The following AXIN2 variants were observed in gnomAD, a reference collection of about 807,000 sequenced individuals.
The protein encoded by AXIN2 is axin 2, also known as axin-2.
In AXIN2, 21 loss-of-function variants were observed where a neutral mutation model predicts 74.7. The observed-to-expected ratio is 0.28, with a 90% CI of 0.20 to 0.40. AXIN2 has a LOEUF of 0.40. Among genes scored for constraint, AXIN2 ranks in the 10% least tolerant of loss-of-function variants. The pLI is 1.00. For missense variants in AXIN2, 1,144 were observed against 1,111.1 expected (o/e 1.03, Z -0.42); for synonymous variants, 532 against 454.9 (o/e 1.17, Z -2.16).
chr17:65,557,842 C>A lies in AXIN2; in HGVS notation c.779G>T (p.Ser260Ile), dbSNP rs2044292356. The A allele has an allele frequency of 6.2e-7, 1 of 1,614,224 alleles. No homozygotes were observed. Among genetic ancestry groups the A allele is most frequent in the Non-Finnish European group, 8.5e-7 (1 of 1,180,048 alleles). ...LSSKTLRATA[S>I]VRSTETVDSG... is the part of the protein sequence containing the mutation. ...GTCAACAGTTTCCGTGGACCTCACACTCGCCGTGGCCCTCAGAGTTTTGCT... is the reference window on the plus strand; with the variant it reads ...GTCAACAGTTTCCGTGGACCTCACAATCGCCGTGGCCCTCAGAGTTTTGCT... Residue 260 changes from serine (S) to isoleucine (I), a missense_variant, in exon 2 of 11, where the codon AGT becomes ATT. Physicochemically the swap from Ser to Ile is moderately radical, Grantham distance 142. Coordinates refer to ENST00000307078, the MANE Select transcript of AXIN2 (RefSeq NM_004655.4).
At position 65,557,917 on chromosome 17, in the gene AXIN2, G is replaced by A. The variant is rs776333136; in HGVS notation, c.704C>T (p.Thr235Ile). 2.5e-6 allele frequency: 4 copies of A among 1,614,186 alleles called. No individual in the cohort carries two copies. Among genetic ancestry groups the A allele is most frequent in the African/African-American group, 1.3e-5 (1 of 75,046 alleles). Residue 235 changes from threonine (T) to isoleucine (I), a missense_variant, in exon 2 of 11, where the codon ACT becomes ATT. By Grantham distance (89) the Thr-to-Ile change is moderately conservative (BLOSUM62 -1). Around this residue, in one of 4 missense-constraint regions of AXIN2, gnomAD observed 1,053 missense variants for 973.5 expected, o/e 1.08. Coordinates refer to ENST00000307078, the MANE Select transcript of AXIN2 (RefSeq NM_004655.4). ...AAGTTTGCACTTGAAGTCGGCACAAGTCCACTCCTCTTCTTCATTCAAGGT... is the reference window on the plus strand; with the variant it reads ...AAGTTTGCACTTGAAGTCGGCACAAATCCACTCCTCTTCTTCATTCAAGGT... ...LPTLNEEEEW[T>I]CADFKCKLSP...
At chr17:65,555,324 G>A (rs2044251945) in intron 2 of AXIN2, among the ~76,000 whole-genome samples, 1 of 152,182 alleles carries the variant, frequency 6.6e-6, no homozygotes, top group South Asian at 2.1e-4. Context: ...TGCAGAATGA[G>A]TGAGTGTGCG....
Position 65,558,126 on chromosome 17 carries a change from C to G in AXIN2, c.495G>C (p.Gln165His). 6.2e-7 allele frequency: 1 copy of G among 1,614,182 alleles called. No homozygotes were observed. The highest frequency in any genetic ancestry group is 8.5e-7 in the Non-Finnish European group (1 of 1,180,038). ...TYIRDGIKKQQIDSIMFDQAQ... is the reference protein window; with the variant it reads ...TYIRDGIKKQHIDSIMFDQAQ... ...CCTGGTCAAACATGATGGAATCAATCTGCTGCTTCTTGATGCCATCTCTTA... is the reference window on the plus strand; with the variant it reads ...CCTGGTCAAACATGATGGAATCAATGTGCTGCTTCTTGATGCCATCTCTTA... The change falls in exon 2 of 11, where the codon CAG becomes CAC. Residue 165 changes from glutamine to histidine, a missense_variant. By Grantham distance (24) the Gln-to-His change is conservative (BLOSUM62 0). Transcript: ENST00000307078.
At chr17:65,543,783 A>G (rs1054365921) in intron 3 of AXIN2, among the ~76,000 whole-genome samples, 4 of 152,190 alleles carry the variant, frequency 2.6e-5, no homozygotes, top group Admixed American at 2.6e-4. Flanking sequence ...CCTGACATTG[A>G]TAAGGCATGA....
chr17:65,535,922 C>A (rs964028131), intron 8 of AXIN2, among the ~76,000 whole-genome samples: 4 of 152,192 alleles, frequency 2.6e-5, no homozygotes, highest in East Asian at 1.9e-4. Flanking sequence ...TCTAAGCCCC[C>A]CTGGGAGCCC....
At chr17:65,542,047 G>A (rs2044051961) in intron 3 of AXIN2, among the ~76,000 whole-genome samples, 1 of 152,224 alleles carries the variant, frequency 6.6e-6, no homozygotes, top group African/African-American at 2.4e-5. Context: ...TCAGGCATTA[G>A]TGAAGCATGC....
At chr17:65,538,720 G>A (rs1264761565) in intron 4 of AXIN2, among the ~76,000 whole-genome samples, 1 of 144,630 alleles carries the variant, frequency 6.9e-6, no homozygotes, top group Non-Finnish European at 1.5e-5. Flanking sequence ...GCCCTCTGAG[G>A]TGGGGAGGGG....
chr17:65,553,377 C>G (rs1319912574), intron 2 of AXIN2, among the ~76,000 whole-genome samples: 6 of 152,194 alleles, frequency 3.9e-5, no homozygotes, highest in Admixed American at 3.3e-4. Context: ...TTCAAACACT[C>G]TTTCTTCCAT....
chr17:65,545,380 G>A (rs1029714951), intron 3 of AXIN2, among the ~76,000 whole-genome samples: 2 of 152,130 alleles, frequency 1.3e-5, no homozygotes, highest in Admixed American at 6.6e-5. Flanking sequence ...GTGGGAGTCT[G>A]GCAGTTAACG....
At chr17:65,555,187 C>A (rs1004960746) in intron 2 of AXIN2, among the ~76,000 whole-genome samples, 1 of 152,176 alleles carries the variant, frequency 6.6e-6, no homozygotes, top group African/African-American at 2.4e-5. Context: ...TGGCCAGTGC[C>A]CCAGGCATCC....
chr17:65,534,146 C>A (rs1371790372), intron 9 of AXIN2, 67 bp from the exon 10 acceptor site: 34 of 1,565,448 alleles, frequency 2.2e-5, no homozygotes, highest in Non-Finnish European at 2.8e-5. Context: ...AGCAAACACA[C>A]ACGTGCGCAC....
In AXIN2 at chr17:65,537,492, T is replaced by C. The variant is rs2043950108; in HGVS notation, c.1544A>G (p.His515Arg). ...FVTKQTTKHVHHHYIHHHAVP... is the reference protein window; with the variant it reads ...FVTKQTTKHVRHHYIHHHAVP... ...GGCATGGTGGTGGATGTAGTGGTGG[T>C]GGACATGCTTCGTCGTCTGCTTGGT... The change falls in exon 6 of 11, where the codon CAC becomes CGC. Residue 515 changes from histidine (H) to arginine (R), a missense_variant. His to Arg is a conservative substitution (Grantham distance 29). This residue lies in a region of AXIN2 where 1,053 missense variants were observed against 973.5 expected (regional missense o/e 1.08). Coordinates refer to ENST00000307078, the MANE Select transcript of AXIN2 (RefSeq NM_004655.4). 1 of 1,613,702 alleles carries C rather than the reference T, an allele frequency of 6.2e-7. No individual in the cohort carries two copies. Among genetic ancestry groups the C allele is most frequent in the Non-Finnish European group, 8.5e-7 (1 of 1,179,960 alleles).
At chr17:65,546,193 C>T (rs1285225461) in intron 3 of AXIN2, among the ~76,000 whole-genome samples, 1 of 152,130 alleles carries the variant, frequency 6.6e-6, no homozygotes, top group Non-Finnish European at 1.5e-5. Flanking sequence ...CTCCTATTCA[C>T]TTGTTCAAGG....
intron 2 of AXIN2, among the ~76,000 whole-genome samples, chr17:65,556,680 G>A (rs1267186324): frequency 6.6e-6 from 1 of 152,068 alleles, no homozygotes; most frequent in Non-Finnish European, 1.5e-5. Flanking sequence ...CACCCTGAGA[G>A]GCTCAAGATC....
chr17:65,536,569 G>C lies in AXIN2; in HGVS notation c.1908-16C>G. 1 of 1,612,910 alleles carries C rather than the reference G, an allele frequency of 6.2e-7. No individual in the cohort carries two copies. Among genetic ancestry groups the C allele is most frequent in the East Asian group, 2.2e-5 (1 of 44,872 alleles). On this transcript the variant is annotated splice_polypyrimidine_tract_variant and intron_variant, in intron 7 of 10. Transcript: ENST00000307078. ...GCTTTGGGCACTAAACAAGGAATGA[G>C]CAGAGAGAAAACAGAAGGAAAGAAA...
intron 10 of AXIN2, among the ~76,000 whole-genome samples, chr17:65,530,533 G>A (rs1192687239): frequency 6.6e-6 from 1 of 152,172 alleles, no homozygotes; most frequent in African/African-American, 2.4e-5. Flanking sequence ...CTATCTCCAG[G>A]TTCAGCCATC....
chr17:65,559,360 G>C (rs1175122335), intron 1 of AXIN2: 1 of 148,372 alleles, frequency 6.7e-6, no homozygotes, highest in Admixed American at 6.8e-5. Context: ...CAGCATAGGC[G>C]GATTGGGCTC....
rs775428814 is a variant in AXIN2 at position 65,538,667 on chromosome 17, C to CAAAAAAAAAAAAAAAAAAAAAAAA, written c.1060-348_1060-325dup. Among the ~76,000 whole-genome samples the CAAAAAAAAAAAAAAAAAAAAAAAA allele has an allele frequency of 1.0e-3, 37 of 35,828 alleles. 18 individuals are homozygous for CAAAAAAAAAAAAAAAAAAAAAAAA. The highest frequency in any genetic ancestry group is 2.5e-3 in the South Asian group (2 of 812). The allele number at this position is 35,828 out of a possible 152,430, so 23.5% of individuals were successfully genotyped here. ...ATCTTCAAAGACTGTTGTCAACCAT[C>CAAAAAAAAAAAAAAAAAAAAAAAA]AAAAAAAAAAAAAAAAAAAAAAAAA... On this transcript the variant is annotated intron_variant, in intron 4 of 10. Coordinates refer to ENST00000307078, the MANE Select transcript of AXIN2 (RefSeq NM_004655.4).
rs376949421 is a variant in AXIN2 at position 65,549,604 on chromosome 17, A to C, written c.872T>G (p.Phe291Cys). Residue 291 changes from phenylalanine (F) to cysteine (C), a missense_variant, in exon 3 of 11, where the codon TTT becomes TGT. Transcript: ENST00000307078. The part of the protein sequence containing the change: ...NPYHIGSGYV[F>C]APATSANDSE... The stretch of plus-strand genomic sequence containing the variant: ...GTCGTTGGCGCTGGTGGCTGGTGCA[A>C]AGACATAGCCAGAACCTATGTGATA... 6.2e-7 allele frequency: 1 copy of C among 1,606,730 alleles called. No individual in the cohort carries two copies. The highest frequency in any genetic ancestry group is 8.5e-7 in the Non-Finnish European group (1 of 1,176,424).
Sources: gnomAD v4.1 joint callset for allele counts (sites outside exome capture counted in the v4.1 genomes callset) on GRCh38, gnomAD v4.1.1 for gene constraint, gnomAD v4.1.1 regional missense constraint, MANE v1.5 for transcripts, NCBI Gene and HGNC (gene_info 2026-07-23, HGNC 2026-07-21) for gene names.